KPTN: variants seen among roughly 807,000 people sequenced by gnomAD.
KPTN encodes kaptin, actin binding protein.
In KPTN, 36 loss-of-function variants were observed where a neutral mutation model predicts 52.6. The ratio of observed to expected loss-of-function variants is 0.68; its 90% confidence interval spans 0.52 to 0.90. KPTN has a LOEUF of 0.90. Among genes scored for constraint, KPTN ranks in the 40% least tolerant of loss-of-function variants. The probability of loss-of-function intolerance (pLI) is 0.00; values close to 1 mark genes in which losing one functional copy is unlikely to be tolerated. For synonymous variants in KPTN, 271 were observed against 248.4 expected, an observed-to-expected ratio of 1.09 and a Z score of -0.85; for missense variants, 529 against 576.2, an observed-to-expected ratio of 0.92 and a Z score of 0.84.
At position 47,476,519 on chromosome 19, in the gene KPTN, G is replaced by A. The variant is rs779335294; in HGVS notation, c.1182+13C>T. On this transcript the variant is annotated intron_variant, in intron 11 of 11. Transcript: ENST00000338134. Reference sequence around the variant, plus strand: ...GAGGTCGACTCCCCTCCCACCCCAAGAGCTGGGGATACCTGCAGGATGTGC... The same window carrying A: ...GAGGTCGACTCCCCTCCCACCCCAAAAGCTGGGGATACCTGCAGGATGTGC... 1.9e-6 allele frequency: 3 copies of A among 1,585,340 alleles called. No individual in the cohort carries two copies. Among genetic ancestry groups the A allele is most frequent in the African/African-American group, 2.8e-5 (2 of 71,940 alleles).
chr19:47,479,433 AC>A (rs1967786495), intron 8 of KPTN, among the ~76,000 whole-genome samples: 3 of 152,312 alleles, frequency 2.0e-5, no homozygotes, highest in African/African-American at 7.2e-5. Context: ...GAGTGGTGGG[AC>A]AGCGGTGAGT....
upstream of KPTN, among the ~76,000 whole-genome samples, chr19:47,485,530 C>T (rs1968046876): frequency 6.6e-6 from 1 of 152,220 alleles, no homozygotes; most frequent in Non-Finnish European, 1.5e-5. Flanking sequence ...ACACCTCGAG[C>T]ACACACAGAC....
At chr19:47,483,767 C>T (rs1446707083) in intron 1 of KPTN, 168 bp downstream of exon 1, 1 of 1,006,016 alleles carries the variant, frequency 9.9e-7, no homozygotes, top group African/African-American at 1.6e-5. Context: ...TCCTGAAACC[C>T]TAGGCTCATC....
rs1046029135 is a variant in KPTN at position 47,476,719 on chromosome 19, G to A, written c.1000-5C>T. ...GTACTTATAACACAGCAGTTCCTGC[G>A]GGGGTGAAGAATCAGGTCACACAGG... On this transcript the variant is annotated splice_region_variant and splice_polypyrimidine_tract_variant and intron_variant, in intron 10 of 11. Transcript: ENST00000338134. 14 of 1,609,806 alleles carry A rather than the reference G, an allele frequency of 8.7e-6. No homozygotes were observed. The highest frequency in any genetic ancestry group is 2.2e-5 in the East Asian group (1 of 44,626).
At chr19:47,483,236 G>A (rs1967948536) in intron 3 of KPTN, 21 bp from the exon 4 acceptor site, 3 of 1,613,750 alleles carry the variant, frequency 1.9e-6, no homozygotes, top group African/African-American at 1.3e-5. Flanking sequence ...GGCACAGGCA[G>A]GTTAGCATGG....
At chr19:47,479,281 G>C (rs984770791) in intron 8 of KPTN, among the ~76,000 whole-genome samples, 2 of 152,214 alleles carry the variant, frequency 1.3e-5, no homozygotes, top group Non-Finnish European at 2.9e-5. Context: ...GACCTCAGGT[G>C]ATCCGTCCGC....
rs1967635703 is a variant in KPTN, at chr19:47,475,561, A to G, written c.1183-17T>C. On this transcript the variant is annotated splice_polypyrimidine_tract_variant and intron_variant, in intron 11 of 11. Transcript: ENST00000338134. ...CAGGCTGTGCTGTGGGGAACAAGAG[A>G]ATGAGGGGGATGGAGCTGAGGAAGA... 6.2e-7 allele frequency: 1 copy of G among 1,609,924 alleles called. No homozygotes were observed. Among genetic ancestry groups the G allele is most frequent in the South Asian group, 1.1e-5 (1 of 90,968 alleles).
chr19:47,480,318 T>C lies in KPTN; in HGVS notation c.689A>G (p.His230Arg). The change falls in exon 7 of 12, where the codon CAC (histidine) becomes CGC (arginine). Residue 230 changes from histidine (H) to arginine (R), a missense_variant. His to Arg is a conservative substitution (Grantham distance 29). Coordinates refer to ENST00000338134, the MANE Select transcript of KPTN (RefSeq NM_007059.4). Reference sequence around the variant, plus strand: ...CTCACCTCGACTCCGCTGGTCCACGTGGGCGACACGGACATAACCACTCTG... The same window carrying C: ...CTCACCTCGACTCCGCTGGTCCACGCGGGCGACACGGACATAACCACTCTG... Reference protein sequence around the residue: ...GCQSGYVRVAHVDQRSREVLQ... With the variant: ...GCQSGYVRVARVDQRSREVLQ... The C allele has an allele frequency of 2.0e-6, 3 of 1,537,624 alleles. No individual in the cohort carries two copies. Among genetic ancestry groups the C allele is most frequent in the Non-Finnish European group, 2.6e-6 (3 of 1,139,576 alleles).
At chr19:47,476,257 T>C (rs961418779) in intron 11 of KPTN, 2 of 234,644 alleles carry the variant, frequency 8.5e-6, no homozygotes, top group African/African-American at 2.4e-5. Flanking sequence ...TGCAGTGAGC[T>C]GAGATCGAGT....
At chr19:47,485,395 C>T (rs968349709), upstream of KPTN, among the ~76,000 whole-genome samples, 2 of 152,164 alleles carry the variant, frequency 1.3e-5, no homozygotes, top group Admixed American at 6.5e-5. Flanking sequence ...CAGGTGTTTC[C>T]GACTCTGGGG....
chr19:47,484,228 A>G, upstream of KPTN: 1 of 1,500,484 alleles, frequency 6.7e-7, no homozygotes, highest in East Asian at 2.4e-5. Flanking sequence ...ACGACTCTCT[A>G]AGCGACCTGA....
upstream of KPTN, among the ~76,000 whole-genome samples, chr19:47,485,692 C>A (rs968463806): frequency 1.3e-5 from 2 of 152,164 alleles, no homozygotes; most frequent in Admixed American, 1.3e-4. Context: ...ACAGCTCTTA[C>A]ATGATGGAAA....
At chr19:47,478,565 T>C (rs1203419381) in intron 8 of KPTN, among the ~76,000 whole-genome samples, 2 of 3,578 alleles carry the variant, frequency 5.6e-4, no homozygotes, top group South Asian at 0.029. Flanking sequence ...CAAGACTCTG[T>C]CTAAAAAAAA....
upstream of KPTN, chr19:47,484,341 GC>G: frequency 1.4e-6 from 1 of 729,226 alleles, no homozygotes; most frequent in South Asian, 1.9e-5. Flanking sequence ...GGCCTCCCAG[GC>G]GACTTTGCCC....
At chr19:47,478,080 A>AG (rs1448367864) in intron 8 of KPTN, among the ~76,000 whole-genome samples, 1 of 151,712 alleles carries the variant, frequency 6.6e-6, no homozygotes, top group African/African-American at 2.4e-5. Flanking sequence ...AAAAAAAAAA[A>AG]GAAACATGAA....
rs1341450769 is a variant in KPTN at position 47,484,210 on chromosome 19, C to T, written c.-50G>A. On this transcript the variant is annotated 5_prime_UTR_variant, in exon 1 of 12. Transcript: ENST00000338134. Reference sequence around the variant, plus strand: ...GCAGCCCCCGCCCCAACCCGCACTACCCAACCTACGACTCTCTAAGCGACC... The same window carrying T: ...GCAGCCCCCGCCCCAACCCGCACTATCCAACCTACGACTCTCTAAGCGACC... 2.6e-6 allele frequency: 4 copies of T among 1,554,134 alleles called. No individual in the cohort carries two copies. The Admixed American group carries it at 7.3e-5, about 28-fold the overall frequency.
rs1967805228 is a variant in KPTN, at chr19:47,479,895, C to T, written c.755G>A (p.Arg252Gln). 6.8e-6 allele frequency: 11 copies of T among 1,613,370 alleles called. No homozygotes were observed. In the East Asian group the frequency reaches 1.6e-4, roughly 23 times the overall value. The change falls in exon 8 of 12, where the codon CGA becomes CAA. Residue 252 changes from arginine to glutamine, a missense_variant. Physicochemically the swap from Arg to Gln is conservative, Grantham distance 43. Coordinates refer to ENST00000338134, the MANE Select transcript of KPTN (RefSeq NM_007059.4). ...WSVLQDGPIS[R>Q]VIVFSLSAAK... ...GGCCGAGAGGCTGAACACAATCACT[C>T]GGGAGATGGGACCGTCCTGCAGGAC...
chr19:47,485,774 A>G (rs10418255), upstream of KPTN, among the ~76,000 whole-genome samples: 4,852 of 152,248 alleles, frequency 0.032, 242 homozygotes, highest in African/African-American at 0.11. Context: ...GGATGTGGAG[A>G]GTAGAAGTTC....
chr19:47,475,273 T>C lies in KPTN; in HGVS notation c.*143A>G. The C allele has an allele frequency of 2.3e-6, 2 of 854,350 alleles. No individual in the cohort carries two copies. The allele number at this position is 854,350 out of a possible 1,614,324, so 52.9% of individuals were successfully genotyped here. On this transcript the variant is annotated 3_prime_UTR_variant, in exon 12 of 12. Transcript: ENST00000338134. ...TTGACGTACAGAGAGAGGAGTGGGTTAGCTGGGGCCCCAGGGCACAGCTTC... is the reference window on the plus strand; with the variant it reads ...TTGACGTACAGAGAGAGGAGTGGGTCAGCTGGGGCCCCAGGGCACAGCTTC...
Sources: gnomAD v4.1 joint callset for allele counts (sites outside exome capture counted in the v4.1 genomes callset) on GRCh38, gnomAD v4.1.1 for gene constraint, MANE v1.5 for transcripts, NCBI Gene and HGNC (gene_info 2026-07-23, HGNC 2026-07-21) for gene names.